PRKCD: variants seen among roughly 807,000 people sequenced by gnomAD.
PRKCD encodes protein kinase C delta.
In PRKCD, 20 loss-of-function variants were observed where a neutral mutation model predicts 82.2. The observed-to-expected ratio is 0.24, with a 90% confidence interval of 0.17 to 0.35. The LOEUF (loss-of-function observed/expected upper bound fraction) is 0.35, where lower values mean the gene tolerates loss of function less well. PRKCD is among the 10% of genes least tolerant of loss of function. The probability of loss-of-function intolerance (pLI) is 1.00; values close to 1 mark genes in which losing one functional copy is unlikely to be tolerated. For missense variants in PRKCD, 607 were observed against 899.0 expected (o/e 0.68, Z 4.15); for synonymous variants, 317 against 337.0 (o/e 0.94, Z 0.65).
chr3:53,162,441 T>C (rs1383620794), intron 1 of PRKCD, among the ~76,000 whole-genome samples: 1 of 152,206 alleles, frequency 6.6e-6, no homozygotes. Flanking sequence ...TCCCCTTCTC[T>C]GACGCCTACC....
intron 13 of PRKCD, 109 bp from the exon 14 acceptor site, chr3:53,186,495 A>G: frequency 7.3e-7 from 1 of 1,375,548 alleles, no homozygotes; most frequent in Non-Finnish European, 1.0e-6. Context: ...CGTCCACCTC[A>G]GCCAGGGCCT....
chr3:53,187,179 G>C (rs546091993), intron 14 of PRKCD, among the ~76,000 whole-genome samples, 161 bp from the exon 15 acceptor site: 1 of 152,334 alleles, frequency 6.6e-6, no homozygotes, highest in African/African-American at 2.4e-5. Flanking sequence ...TGGGCTGCCA[G>C]CCCCCACTTG....
At chr3:53,184,838 T>C in intron 9 of PRKCD, 36 bp from the exon 10 acceptor site, 3 of 1,595,724 alleles carry the variant, frequency 1.9e-6, no homozygotes, top group Non-Finnish European at 2.6e-6. Flanking sequence ...TTGGCTGAGC[T>C]CTGAGACTGA....
At chr3:53,178,377 C>T (rs1368500750) in intron 2 of PRKCD, 27 bp from the exon 3 acceptor site, 2 of 1,545,986 alleles carry the variant, frequency 1.3e-6, no homozygotes, top group African/African-American at 1.4e-5. Flanking sequence ...CGCCCGGCCG[C>T]CTGGCCTCAC....
chr3:53,167,956 T>C (rs1434647003), intron 2 of PRKCD, among the ~76,000 whole-genome samples: 2 of 152,262 alleles, frequency 1.3e-5, no homozygotes, highest in Admixed American at 6.5e-5. Flanking sequence ...AGCCCCTGCC[T>C]GCTCTTCTCC....
At chr3:53,180,235 C>T (rs1487811634) in intron 4 of PRKCD, among the ~76,000 whole-genome samples, 1 of 152,246 alleles carries the variant, frequency 6.6e-6, no homozygotes, top group South Asian at 2.1e-4. Flanking sequence ...GCCCCAACAC[C>T]AGGCCACCAG....
rs1190070838 is a variant in PRKCD at position 53,186,637 on chromosome 3, G to T, written c.1294G>T (p.Gly432Trp). 1.2e-6 allele frequency: 2 copies of T among 1,613,050 alleles called. No individual in the cohort carries two copies. The highest frequency in any genetic ancestry group is 1.7e-6 in the Non-Finnish European group (2 of 1,179,418). Residue 432 changes from glycine (G) to tryptophan (W), a missense_variant, in exon 14 of 19, where the codon GGG becomes TGG. Physicochemically the swap from Gly to Trp is radical, Grantham distance 184. Coordinates refer to ENST00000330452, the MANE Select transcript of PRKCD (RefSeq NM_006254.4). ...GTTCTTTGTGATGGAGTTCCTCAAC[G>T]GGGGGGACCTGATGTACCACATCCA... ...HLFFVMEFLN[G>W]GDLMYHIQDK...
intron 4 of PRKCD, 22 bp downstream of exon 4, chr3:53,179,798 C>G: frequency 7.5e-7 from 1 of 1,338,556 alleles, no homozygotes; most frequent in South Asian, 1.3e-5. Context: ...ACGAGCCGTG[C>G]CGTGTGTGTG....
At chr3:53,184,805 C>A in intron 9 of PRKCD, 69 bp from the exon 10 acceptor site, 1 of 1,363,468 alleles carries the variant, frequency 7.3e-7, no homozygotes, top group Non-Finnish European at 1.0e-6. Context: ...TCTCCTGCGC[C>A]TCTCCTACAC....
chr3:53,186,675 C>A lies in PRKCD; in HGVS notation c.1332C>A (p.Arg444=). 6.2e-7 allele frequency: 1 copy of A among 1,613,956 alleles called. No individual in the cohort carries two copies. The highest frequency in any genetic ancestry group is 8.5e-7 in the Non-Finnish European group (1 of 1,179,846). Residue 444 remains arginine (R), a synonymous_variant, in exon 14 of 19, where the codon CGC becomes CGA. Coordinates refer to ENST00000330452, the MANE Select transcript of PRKCD (RefSeq NM_006254.4). ...TGTACCACATCCAGGACAAAGGCCG[C>A]TTTGAACTCTACCGTGCCACGTACG... ...DLMYHIQDKG[R]FELYRATFYA...
At position 53,181,279 on chromosome 3, in the gene PRKCD, C is replaced by T; in HGVS notation, c.376+12C>T. On this transcript the variant is annotated intron_variant, in intron 5 of 18. Coordinates refer to ENST00000330452, the MANE Select transcript of PRKCD (RefSeq NM_006254.4). The stretch of plus-strand genomic sequence containing the variant: ...CCTGGAGGACGTGGGTAAGAACTCC[C>T]TGGGGGTGGAGGGCTCCCTTGCCGG... 1 of 1,613,490 alleles carries T rather than the reference C, an allele frequency of 6.2e-7. No homozygotes were observed. Among genetic ancestry groups the T allele is most frequent in the East Asian group, 2.2e-5 (1 of 44,858 alleles).
rs773144753 is a variant in PRKCD, at chr3:53,185,643, G to T, written c.928G>T (p.Val310Phe). The T allele has an allele frequency of 1.2e-6, 2 of 1,613,306 alleles. No individual in the cohort carries two copies. The highest frequency in any genetic ancestry group is 1.7e-6 in the Non-Finnish European group (2 of 1,180,032). The change falls in exon 11 of 19, where the codon GTT (valine) becomes TTT (phenylalanine). Residue 310 changes from valine to phenylalanine, a missense_variant. Coordinates refer to ENST00000330452, the MANE Select transcript of PRKCD (RefSeq NM_006254.4). ...RRSDSASSEP[V>F]GIYQGFEKKT... ...ATCAGACTCAGCCTCCTCAGAGCCT[G>T]TTGGGATATATCAGGGTTTCGAGAA...
chr3:53,176,481 T>C (rs1703216917), intron 2 of PRKCD, among the ~76,000 whole-genome samples: 1 of 152,256 alleles, frequency 6.6e-6, no homozygotes, highest in South Asian at 2.1e-4. Context: ...TGGGCAGCTG[T>C]TGTGTGTGCA....
chr3:53,167,736 T>A (rs1482876544), intron 2 of PRKCD, among the ~76,000 whole-genome samples: 1 of 152,214 alleles, frequency 6.6e-6, no homozygotes, highest in African/African-American at 2.4e-5. Context: ...CAAGTGGGAC[T>A]GATGAGGGGG....
chr3:53,167,044 G>A (rs140947219), intron 2 of PRKCD, among the ~76,000 whole-genome samples: 1 of 152,354 alleles, frequency 6.6e-6, no homozygotes, highest in East Asian at 1.9e-4. Flanking sequence ...TGGAGTTGCT[G>A]GGCTCTAGGG....
Position 53,186,280 on chromosome 3 carries a change from G to A in PRKCD, c.1200G>A (p.Val400=), listed in dbSNP as rs1020644002. The A allele has an allele frequency of 6.2e-7, 1 of 1,614,062 alleles. No homozygotes were observed. ...AGTGCACCATGGTTGAGAAGCGGGT[G>A]CTGACACTTGCCGCAGAGAATCCCT... ...DVECTMVEKR[V]LTLAAENPFL... Residue 400 remains valine (V), a synonymous_variant, in exon 13 of 19, where the codon GTG becomes GTA. Coordinates refer to ENST00000330452, the MANE Select transcript of PRKCD (RefSeq NM_006254.4).
rs782497225 is a variant in PRKCD at position 53,185,712 on chromosome 3, T to G, written c.985+12T>G. On this transcript the variant is annotated intron_variant, in intron 11 of 18. Coordinates refer to ENST00000330452, the MANE Select transcript of PRKCD (RefSeq NM_006254.4). ...GGAGGACATGCAAGGTGAAGCTGGGTCCATTGCCCCATTACGGTTTTTATT... is the reference window on the plus strand; with the variant it reads ...GGAGGACATGCAAGGTGAAGCTGGGGCCATTGCCCCATTACGGTTTTTATT... 2.5e-6 allele frequency: 4 copies of G among 1,611,066 alleles called. No individual in the cohort carries two copies. Among genetic ancestry groups the G allele is most frequent in the African/African-American group, 1.3e-5 (1 of 74,826 alleles).
chr3:53,191,285 G>C (rs1477199999), intron 18 of PRKCD, among the ~76,000 whole-genome samples: 1 of 152,124 alleles, frequency 6.6e-6, no homozygotes, highest in Non-Finnish European at 1.5e-5. Context: ...GTGCACACCT[G>C]TAATCCCAGC....
chr3:53,183,269 C>G (rs1047189939), intron 8 of PRKCD, 63 bp downstream of exon 8: 17 of 1,582,734 alleles, frequency 1.1e-5, no homozygotes, highest in African/African-American at 2.7e-5. Context: ...GAGGGATTTG[C>G]ACCCTCTCCC....
Sources: gnomAD v4.1 joint callset for allele counts (sites outside exome capture counted in the v4.1 genomes callset) on GRCh38, gnomAD v4.1.1 for gene constraint, MANE v1.5 for transcripts, NCBI Gene and HGNC (gene_info 2026-07-23, HGNC 2026-07-21) for gene names.